Variants in RGS6 observed in about 807,000 individuals in gnomAD.
The protein encoded by RGS6 is regulator of G protein signaling 6.
Under a neutral mutation model 78.5 loss-of-function variants are expected in RGS6, and 30 were observed. That is an observed-to-expected ratio of 0.38 (90% CI 0.29 to 0.52). RGS6 has a LOEUF of 0.52. RGS6 is among the 20% of genes least tolerant of loss of function. The probability of loss-of-function intolerance (pLI) is 0.85; values close to 1 mark genes in which losing one functional copy is unlikely to be tolerated. For synonymous variants in RGS6, 206 were observed against 206.0 expected, an observed-to-expected ratio of 1.00 and a Z score of 0.00; for missense variants, 495 against 609.7, an observed-to-expected ratio of 0.81 and a Z score of 1.98.
chr14:72,092,716 A>G (rs1434723254), intron 2 of RGS6, among the ~76,000 whole-genome samples: 2 of 152,108 alleles, frequency 1.3e-5, no homozygotes, highest in Non-Finnish European at 2.9e-5. Flanking sequence ...TAGACTTCCT[A>G]TCTTATAACA....
At chr14:72,420,497 T>G (rs796909826) in intron 3 of RGS6, among the ~76,000 whole-genome samples, 29 of 152,346 alleles carry the variant, frequency 1.9e-4, no homozygotes, top group African/African-American at 5.8e-4. Context: ...AGGTCTGGTA[T>G]AGTATGATTC....
chr14:72,231,447 C>A (rs1030620697), intron 2 of RGS6, among the ~76,000 whole-genome samples: 3 of 152,016 alleles, frequency 2.0e-5, no homozygotes, highest in African/African-American at 7.3e-5. Flanking sequence ...GAGCCAGGAA[C>A]TGTTTTAGGT....
chr14:72,031,908 C>T (rs1020934524), intron 2 of RGS6, among the ~76,000 whole-genome samples: 1 of 152,108 alleles, frequency 6.6e-6, no homozygotes. Flanking sequence ...AGAGTTAGCC[C>T]ATTTTAATGT....
chr14:72,194,841 A>G (rs1008207775), intron 2 of RGS6, among the ~76,000 whole-genome samples: 28 of 152,172 alleles, frequency 1.8e-4, no homozygotes, highest in African/African-American at 6.5e-4. Flanking sequence ...TGTTCTTAAA[A>G]GGTCGCCAGG....
chr14:71,906,448 C>CT, the RGS6 span, among the ~76,000 whole-genome samples: 1 of 152,202 alleles, frequency 6.6e-6, no homozygotes, highest in Admixed American at 6.5e-5. Context: ...CACCCTCTCT[C>CT]TTAGCTTTCC....
At chr14:72,054,252 TG>T (rs1260750526) in intron 2 of RGS6, among the ~76,000 whole-genome samples, 1 of 127,054 alleles carries the variant, frequency 7.9e-6, no homozygotes, top group East Asian at 2.9e-4. Flanking sequence ...TGGGGGCTAT[TG>T]TTTGGGAGGT....
At chr14:72,440,722 T>TA (rs1408194556) in intron 3 of RGS6, among the ~76,000 whole-genome samples, 1 of 152,156 alleles carries the variant, frequency 6.6e-6, no homozygotes, top group Non-Finnish European at 1.5e-5. Context: ...GAGCTATGCT[T>TA]ATTACTTAGA....
At chr14:72,246,566 A>G (rs2054265233) in intron 2 of RGS6, among the ~76,000 whole-genome samples, 1 of 152,176 alleles carries the variant, frequency 6.6e-6, no homozygotes, top group African/African-American at 2.4e-5. Context: ...ATAAAAGACT[A>G]TGTTTTATGT....
intron 3 of RGS6, among the ~76,000 whole-genome samples, chr14:72,354,599 C>CA (rs1318390592): frequency 6.6e-6 from 1 of 151,906 alleles, no homozygotes; most frequent in African/African-American, 2.4e-5. Context: ...CACTGCACTC[C>CA]AGCATGGGCA....
At position 72,061,357 on chromosome 14, in the gene RGS6, C is replaced by G. The variant is rs117948228; in HGVS notation, c.84+96482C>G. ...CATACTCAGTGTAACCTAACCTATT[C>G]TGATTCTTATAGGGAATCAGAGAAG... On this transcript the variant is annotated intron_variant, in intron 2 of 17. Coordinates refer to ENST00000553525, the MANE Select transcript of RGS6 (RefSeq NM_001204424.2). 1.3e-3 allele frequency among the ~76,000 whole-genome samples: 195 copies of G among 152,290 alleles called. 3 individuals carry two copies. In the East Asian group the frequency reaches 0.035, roughly 28 times the overall value.
chr14:72,051,246 T>C (rs115795405), intron 2 of RGS6, among the ~76,000 whole-genome samples: 2,228 of 152,152 alleles, frequency 0.015, 60 homozygotes, highest in African/African-American at 0.052. Flanking sequence ...AATAGATGGG[T>C]ACCAATTCTA....
At chr14:71,902,996 T>C in the RGS6 span, among the ~76,000 whole-genome samples, 13 of 152,228 alleles carry the variant, frequency 8.5e-5, no homozygotes, top group Non-Finnish European at 1.6e-4. Flanking sequence ...ACTCATTGGA[T>C]AAACCAGGTA....
intron 15 of RGS6, among the ~76,000 whole-genome samples, chr14:72,535,767 A>C (rs1029875193): frequency 5.9e-5 from 9 of 152,236 alleles, no homozygotes; most frequent in African/African-American, 2.2e-4. Context: ...TTGTCATTTC[A>C]AGAATGTTAT....
intron 2 of RGS6, among the ~76,000 whole-genome samples, chr14:72,317,042 A>G (rs1471981350): frequency 6.6e-6 from 1 of 152,118 alleles, no homozygotes; most frequent in African/African-American, 2.4e-5. Context: ...AATTACAACA[A>G]AAGATGCAAA....
intron 17 of RGS6, among the ~76,000 whole-genome samples, chr14:72,544,548 G>C (rs1465715508): frequency 6.6e-6 from 1 of 152,190 alleles, no homozygotes; most frequent in Admixed American, 6.5e-5. Context: ...CCTCCTAAGA[G>C]AGCATCGAAG....
chr14:72,560,779 A>G (rs904285776), intron 17 of RGS6, among the ~76,000 whole-genome samples: 5 of 145,494 alleles, frequency 3.4e-5, no homozygotes, highest in Admixed American at 2.8e-4. Flanking sequence ...AAGGTTGCTG[A>G]TGGGGTGATT....
At chr14:72,130,689 C>T (rs529931970) in intron 2 of RGS6, among the ~76,000 whole-genome samples, 64 of 152,314 alleles carry the variant, frequency 4.2e-4, no homozygotes, top group African/African-American at 1.5e-3. Flanking sequence ...ATCTGTGACA[C>T]TGGTCCTCTG....
At chr14:72,488,590 T>C (rs907384605) in intron 12 of RGS6, among the ~76,000 whole-genome samples, 2 of 152,244 alleles carry the variant, frequency 1.3e-5, no homozygotes, top group African/African-American at 4.8e-5. Flanking sequence ...ATTTCCTTAG[T>C]TGCTCTCTGG....
chr14:72,178,568 C>G (rs1203990421), intron 2 of RGS6, among the ~76,000 whole-genome samples: 2 of 152,200 alleles, frequency 1.3e-5, no homozygotes, highest in Admixed American at 6.5e-5. Context: ...AGGGCCAGGT[C>G]AGTTTGTCTT....
Sources: allele counts gnomAD v4.1 joint callset (sites outside exome capture counted in the v4.1 genomes callset), GRCh38; gene constraint gnomAD v4.1.1; transcripts MANE v1.5; gene names NCBI Gene and HGNC (gene_info 2026-07-23, HGNC 2026-07-21).